Variants in ZNF786 observed in about 807,000 individuals in gnomAD.
The protein encoded by ZNF786 is zinc finger protein 786.
Under a neutral mutation model 63.1 loss-of-function variants are expected in ZNF786, and 56 were observed. The observed-to-expected ratio is 0.89, with a 90% CI of 0.72 to 1.11. ZNF786 has a LOEUF of 1.11. ZNF786 is among the 50% of genes least tolerant of loss of function. The pLI is 0.00. For synonymous variants in ZNF786, 485 were observed against 406.9 expected, an observed-to-expected ratio of 1.19 and a Z score of -2.31; for missense variants, 1,213 against 1,041.8, an observed-to-expected ratio of 1.16 and a Z score of -2.26.
intron 2 of ZNF786, among the ~76,000 whole-genome samples, 200 bp from the exon 3 acceptor site, chr7:149,074,738 G>T (rs774125521): frequency 6.6e-6 from 1 of 151,602 alleles, no homozygotes; most frequent in African/African-American, 2.4e-5. Flanking sequence ...GTTAGATCAG[G>T]TATGTTGTTT....
In ZNF786 at chr7:149,071,272, C is replaced by T. The variant is rs777937293; in HGVS notation, c.1500G>A (p.Arg500=). ...FRLESMLRAH[R]LRHGGERPFS... ...ACGGCCTCTCCCCACCGTGCCGGAGCCGGTGGGCTCTCAGCATGCTCTCCA... is the reference window on the plus strand; with the variant it reads ...ACGGCCTCTCCCCACCGTGCCGGAGTCGGTGGGCTCTCAGCATGCTCTCCA... The change falls in exon 4 of 4, where the codon CGG becomes CGA. Residue 500 remains arginine, a synonymous_variant. Transcript: ENST00000491431. 1 of 1,612,972 alleles carries T rather than the reference C, an allele frequency of 6.2e-7. No individual in the cohort carries two copies. The highest frequency in any genetic ancestry group is 1.1e-5 in the South Asian group (1 of 91,072).
chr7:149,071,503 T>TAGG lies in ZNF786; in HGVS notation c.1268_1269insCCT (p.Arg423delinsSerLeu). The TAGG allele has an allele frequency of 1.9e-6, 3 of 1,594,474 alleles. No individual in the cohort carries two copies. Among genetic ancestry groups the TAGG allele is most frequent in the Non-Finnish European group, 2.6e-6 (3 of 1,172,834 alleles). On this transcript the variant is annotated protein_altering_variant, in exon 4 of 4. Transcript: ENST00000491431. The stretch of plus-strand genomic sequence containing the variant: ...TGCCACACTTCCTGCAGGAGAACGG[T>TAGG]CTCTCCCCACCGTGCGCGTGCTGGT...
chr7:149,071,411 C>T lies in ZNF786; in HGVS notation c.1361G>A (p.Arg454Gln), dbSNP rs767359741. ...GAAGTTCCTGCCACACTTGGCACAC[C>T]GGAAAGGCTTCTCTCCGCTGTGGAC... ...IRVHSGEKPF[R>Q]CAKCGRNFRQ... Residue 454 changes from arginine (R) to glutamine (Q), a missense_variant, in exon 4 of 4, where the codon CGG (arginine) becomes CAG (glutamine). Physicochemically the swap from Arg to Gln is conservative, Grantham distance 43. Coordinates refer to ENST00000491431, the MANE Select transcript of ZNF786 (RefSeq NM_152411.4). 3 of 1,612,562 alleles carry T rather than the reference C, an allele frequency of 1.9e-6. No homozygotes were observed. Among genetic ancestry groups the T allele is most frequent in the East Asian group, 4.5e-5 (2 of 44,730 alleles).
intron 1 of ZNF786, among the ~76,000 whole-genome samples, chr7:149,088,879 TTG>T (rs1333425576): frequency 1.3e-5 from 2 of 152,172 alleles, no homozygotes. Context: ...CAGTATTACT[TTG>T]TGTCTTTTAT....
In ZNF786 at chr7:149,070,289, T is replaced by C. The variant is rs573946612; in HGVS notation, c.*134A>G. The C allele has an allele frequency of 3.7e-4, 418 of 1,137,438 alleles. No homozygotes were observed. Among genetic ancestry groups the C allele is most frequent in the Middle Eastern group, 3.4e-3 (11 of 3,222 alleles). 70.5% of individuals were successfully genotyped at this position (1,137,438 alleles called of 1,614,324 possible). A position where few individuals can be genotyped will look rare whatever the true frequency, so the allele number is the denominator to read the frequency against. ...AATCCTTTGTGGTTCTTCATATTCC[T>C]AACTTGCATGACACTCTTGCTCAAA... is the stretch of plus-strand genomic sequence containing the variant. On this transcript the variant is annotated 3_prime_UTR_variant, in exon 4 of 4. Coordinates refer to ENST00000491431, the MANE Select transcript of ZNF786 (RefSeq NM_152411.4).
In ZNF786 at chr7:149,070,255, T is replaced by G; in HGVS notation, c.*168A>C. ...AAAGAAATATAATTGGTGATGCTTC[T>G]GAAGAGAAAATCCTTTGTGGTTCTT... is the stretch of plus-strand genomic sequence containing the variant. On this transcript the variant is annotated 3_prime_UTR_variant, in exon 4 of 4. Transcript: ENST00000491431. 1 of 864,992 alleles carries G rather than the reference T, an allele frequency of 1.2e-6. No individual in the cohort carries two copies. Among genetic ancestry groups the G allele is most frequent in the Middle Eastern group, 3.7e-4 (1 of 2,678 alleles). The allele number at this position is 864,992 out of a possible 1,614,324, so 53.6% of individuals were successfully genotyped here.
intron 2 of ZNF786, among the ~76,000 whole-genome samples, chr7:149,076,734 A>G (rs974881968): frequency 6.6e-6 from 1 of 151,720 alleles, no homozygotes; most frequent in African/African-American, 2.4e-5. Flanking sequence ...AAAAAAAAAA[A>G]AAAACTACAT....
At chr7:149,082,564 G>A (rs908685582) in intron 1 of ZNF786, 8 of 874,428 alleles carry the variant, frequency 9.1e-6, no homozygotes, top group Non-Finnish European at 1.1e-5. Flanking sequence ...GGGTATTAAA[G>A]TTTATCTTGT....
chr7:149,072,507 C>A, intron 3 of ZNF786, 34 bp from the exon 4 acceptor site: 1 of 1,524,186 alleles, frequency 6.6e-7, no homozygotes, highest in Non-Finnish European at 8.8e-7. Context: ...GTCGGTATTC[C>A]TGTCTGCAGC....
rs1166181809 is a variant in ZNF786, at chr7:149,069,884, G to C, written c.*539C>G. 6.5e-6 allele frequency: 1 copy of C among 153,320 alleles called. No individual in the cohort carries two copies. Among genetic ancestry groups the C allele is most frequent in the African/African-American group, 2.4e-5 (1 of 41,420 alleles). The allele number at this position is 153,320 out of a possible 1,614,324, so 9.5% of individuals were successfully genotyped here. On this transcript the variant is annotated 3_prime_UTR_variant, in exon 4 of 4. Coordinates refer to ENST00000491431, the MANE Select transcript of ZNF786 (RefSeq NM_152411.4). ...TGATCCTCCTGCCACGGCCTCCCAA[G>C]TGCTGGGATTACAGGCATGAACCAC... is the stretch of plus-strand genomic sequence containing the variant.
chr7:149,087,463 C>T (rs1825756853), intron 1 of ZNF786, among the ~76,000 whole-genome samples: 2 of 152,162 alleles, frequency 1.3e-5, no homozygotes, highest in African/African-American at 2.4e-5. Context: ...TAGTGCGTAG[C>T]AGCCAAGAAT....
At position 149,070,344 on chromosome 7, in the gene ZNF786, C is replaced by T. The variant is rs1328106093; in HGVS notation, c.*79G>A. On this transcript the variant is annotated 3_prime_UTR_variant, in exon 4 of 4. Coordinates refer to ENST00000491431, the MANE Select transcript of ZNF786 (RefSeq NM_152411.4). The stretch of plus-strand genomic sequence containing the variant: ...GATACCTGCTCCTAAAACCCGTCTA[C>T]CAGCGGGTCTGGCTACTGTTGCTGT... 1.9e-6 allele frequency: 3 copies of T among 1,540,798 alleles called. No homozygotes were observed. The highest frequency in any genetic ancestry group is 2.6e-6 in the Non-Finnish European group (3 of 1,140,398).
In ZNF786 at chr7:149,070,575, C is replaced by A; in HGVS notation, c.2197G>T (p.Ala733Ser). The change falls in exon 4 of 4, where the codon GCC (alanine) becomes TCC (serine). Residue 733 changes from alanine to serine, a missense_variant. Ala to Ser is a moderately conservative substitution (Grantham distance 99). Coordinates refer to ENST00000491431, the MANE Select transcript of ZNF786 (RefSeq NM_152411.4). ...AAGCCCTTCCCACAATCGCCACAGG[C>A]AAAGGGCCTCTCGGGCCTGTGGATG... ...QRIHRPERPF[A>S]CGDCGKGFIY... 1.2e-6 allele frequency: 2 copies of A among 1,614,018 alleles called. No individual in the cohort carries two copies. Among genetic ancestry groups the A allele is most frequent in the Non-Finnish European group, 1.7e-6 (2 of 1,179,904 alleles).
At chr7:149,081,135 C>T in intron 1 of ZNF786, 1 of 456,512 alleles carries the variant, frequency 2.2e-6, no homozygotes. Flanking sequence ...TAGTTTGTTT[C>T]CCTTATAAAT....
At chr7:149,084,126 C>T (rs555742724) in intron 1 of ZNF786, among the ~76,000 whole-genome samples, 5 of 151,962 alleles carry the variant, frequency 3.3e-5, no homozygotes, top group South Asian at 2.1e-4. Context: ...TTTGGGAGGC[C>T]GAGGCGGGCA....
rs758002440 is a variant in ZNF786 at position 149,070,450 on chromosome 7, A to G, written c.2322T>C (p.Phe774=). 1 of 1,613,808 alleles carries G rather than the reference A, an allele frequency of 6.2e-7. No homozygotes were observed. The highest frequency in any genetic ancestry group is 8.5e-7 in the Non-Finnish European group (1 of 1,179,736). Residue 774 remains phenylalanine, a synonymous_variant, in exon 4 of 4, where the codon TTT becomes TTC. Transcript: ENST00000491431. ...AACTCCAATCGGCCTCTATCATTGC[A>G]AACAGTTGGCTGAGCCTTTTCTTAA... ...LDIKKRLSQL[F]AMIEADWS
chr7:149,071,794 C>G lies in ZNF786; in HGVS notation c.978G>C (p.Trp326Cys). ...CQHSREGPAS[W>C]REGRGASSSV... ...TGCTGGAGGCCCCGCGGCCTTCTCT[C>G]CAAGAGGCCGGCCCCTCCCGGCTGT... The change falls in exon 4 of 4, where the codon TGG becomes TGC. Residue 326 changes from tryptophan to cysteine, a missense_variant. Transcript: ENST00000491431. 6.3e-7 allele frequency: 1 copy of G among 1,583,932 alleles called. No homozygotes were observed. Among genetic ancestry groups the G allele is most frequent in the Non-Finnish European group, 8.5e-7 (1 of 1,170,364 alleles).
intron 1 of ZNF786, among the ~76,000 whole-genome samples, chr7:149,088,160 G>A (rs1253602841): frequency 3.9e-5 from 6 of 151,934 alleles, no homozygotes; most frequent in Admixed American, 3.3e-4. Flanking sequence ...CCGCCACCAC[G>A]TCCAGCTAAT....
At chr7:149,081,559 G>A (rs1825654645) in intron 1 of ZNF786, among the ~76,000 whole-genome samples, 1 of 151,430 alleles carries the variant, frequency 6.6e-6, no homozygotes, top group South Asian at 2.1e-4. Flanking sequence ...CACATCTTCA[G>A]TTTTAATAGA....
Sources: allele counts gnomAD v4.1 joint callset (sites outside exome capture counted in the v4.1 genomes callset), GRCh38; gene constraint gnomAD v4.1.1; transcripts MANE v1.5; gene names NCBI Gene and HGNC (gene_info 2026-07-23, HGNC 2026-07-21).